Variants in MEOX2 observed in about 807,000 individuals in gnomAD.
MEOX2 encodes homeobox protein MOX-2.
Under a neutral mutation model 27.0 loss-of-function variants are expected in MEOX2, and 11 were observed. That is an observed-to-expected ratio of 0.41 (90% CI 0.26 to 0.68). The LOEUF (loss-of-function observed/expected upper bound fraction) is 0.68. MEOX2 is among the 30% of genes least tolerant of loss of function. The probability of loss-of-function intolerance (pLI) is 0.33; values close to 1 mark genes in which losing one functional copy is unlikely to be tolerated. For missense variants in MEOX2, 436 were observed against 385.4 expected (o/e 1.13, Z -1.10); for synonymous variants, 189 against 155.4 (o/e 1.22, Z -1.61).
chr7:15,613,133 G>A (rs1781059547), intron 2 of MEOX2, among the ~76,000 whole-genome samples: 1 of 152,082 alleles, frequency 6.6e-6, no homozygotes. Flanking sequence ...ACCTCACACT[G>A]AGCCTATCTT....
chr7:15,624,279 C>T (rs1449093886), intron 2 of MEOX2, among the ~76,000 whole-genome samples: 1 of 152,050 alleles, frequency 6.6e-6, no homozygotes, highest in Non-Finnish European at 1.5e-5. Flanking sequence ...CAAAACTGCA[C>T]GTAGAGATTT....
At chr7:15,684,780 G>A (rs1782350419) in intron 1 of MEOX2, among the ~76,000 whole-genome samples, 1 of 152,176 alleles carries the variant, frequency 6.6e-6, no homozygotes, top group South Asian at 2.1e-4. Flanking sequence ...CCTTCCAAAA[G>A]TATTTAATCC....
intron 1 of MEOX2, among the ~76,000 whole-genome samples, chr7:15,644,037 A>T (rs139316145): frequency 5.1e-4 from 77 of 152,302 alleles, no homozygotes; most frequent in Non-Finnish European, 8.4e-4. Flanking sequence ...TATGTGTTTA[A>T]GATGCATCTT....
intron 1 of MEOX2, among the ~76,000 whole-genome samples, chr7:15,656,948 A>AT (rs1781830805): frequency 6.6e-6 from 1 of 151,778 alleles, no homozygotes; most frequent in Non-Finnish European, 1.5e-5. Context: ...TCCTGAGAAT[A>AT]TTTTTTCTGA....
chr7:15,636,892 C>T (rs1781487429), intron 1 of MEOX2, among the ~76,000 whole-genome samples: 1 of 151,928 alleles, frequency 6.6e-6, no homozygotes, highest in Non-Finnish European at 1.5e-5. Context: ...CATATAAGCC[C>T]TTTTCATAGT....
At chr7:15,625,865 CA>C (rs1781294701) in intron 2 of MEOX2, among the ~76,000 whole-genome samples, 3 of 152,180 alleles carry the variant, frequency 2.0e-5, no homozygotes, top group Non-Finnish European at 2.9e-5. Flanking sequence ...ACCTAAAAAG[CA>C]ATTAATTTAA....
chr7:15,620,227 T>C (rs943290912), intron 2 of MEOX2, among the ~76,000 whole-genome samples: 1 of 152,184 alleles, frequency 6.6e-6, no homozygotes, highest in Non-Finnish European at 1.5e-5. Context: ...ATCTTACTGT[T>C]TCTCTAGATG....
chr7:15,667,289 C>CAAAAAAAAAAAAAAAAA lies in MEOX2; in HGVS notation c.517+18580_517+18596dup, dbSNP rs532691969. Among the ~76,000 whole-genome samples the CAAAAAAAAAAAAAAAAA allele has an allele frequency of 4.5e-3, 184 of 40,944 alleles. 26 individuals carry two copies. Among genetic ancestry groups the CAAAAAAAAAAAAAAAAA allele is most frequent in the Middle Eastern group, 0.025 (1 of 40 alleles). The allele number at this position is 40,944 out of a possible 152,430, so 26.9% of individuals were successfully genotyped here. ...CTGGCAACAGAGTGAGACTCTGTCTCAAAAAAAAAAAAAAAAAAAAAAAGT... is the reference window on the plus strand; with the variant it reads ...CTGGCAACAGAGTGAGACTCTGTCTCAAAAAAAAAAAAAAAAAAAAAAAAAAAAAAAAAAAAAAAAGT... On this transcript the variant is annotated intron_variant, in intron 1 of 2. Transcript: ENST00000262041.
At position 15,626,893 on chromosome 7, in the gene MEOX2, T is replaced by C. The variant is rs772551159; in HGVS notation, c.543A>G (p.Ser181=). ...SSDSQEGNYK[S]EVNSKPRKER... The stretch of plus-strand genomic sequence containing the variant: ...CTTTCCTGGGTTTGCTGTTGACTTC[T>C]GACTTGTAATTTCCTTCCTGGGAGT... Residue 181 remains serine, a synonymous_variant, in exon 2 of 3, where the codon TCA becomes TCG. Transcript: ENST00000262041. 1.2e-6 allele frequency: 2 copies of C among 1,612,404 alleles called. No homozygotes were observed.
intron 2 of MEOX2, among the ~76,000 whole-genome samples, chr7:15,614,490 G>A (rs1781090339): frequency 1.3e-5 from 2 of 151,984 alleles, no homozygotes; most frequent in Non-Finnish European, 2.9e-5. Context: ...ATAGTCTGAA[G>A]AATAGGCTTA....
intron 2 of MEOX2, among the ~76,000 whole-genome samples, chr7:15,625,054 C>A (rs1407625992): frequency 6.6e-6 from 1 of 152,118 alleles, no homozygotes; most frequent in East Asian, 1.9e-4. Flanking sequence ...AGTACAGAAT[C>A]TTGTTTTTCC....
In MEOX2 at chr7:15,680,811, T is replaced by C. The variant is rs915278059; in HGVS notation, c.517+5075A>G. 11 of 152,006 alleles carry C rather than the reference T, an allele frequency of 7.2e-5. 1 individual carries two copies. The South Asian group carries it at 1.4e-3, about 20-fold the overall frequency. The allele number at this position is 152,006 out of a possible 1,614,324, so 9.4% of individuals were successfully genotyped here. A position where few individuals can be genotyped will look rare whatever the true frequency, so the allele number is the denominator to read the frequency against. ...TAAATAGGAAATAAATCACATCTACTTCAATTTTTAATCTGTGGACTTTGG... is the reference window on the plus strand; with the variant it reads ...TAAATAGGAAATAAATCACATCTACCTCAATTTTTAATCTGTGGACTTTGG... On this transcript the variant is annotated intron_variant, in intron 1 of 2. Coordinates refer to ENST00000262041, the MANE Select transcript of MEOX2 (RefSeq NM_005924.5).
Position 15,661,012 on chromosome 7 carries a change from C to CAAAAA in MEOX2, c.517+24869_517+24873dup, listed in dbSNP as rs71004402. Among the ~76,000 whole-genome samples, 207 of 44,306 alleles carry CAAAAA rather than the reference C, an allele frequency of 4.7e-3. 19 individuals are homozygous for CAAAAA. Among genetic ancestry groups the CAAAAA allele is most frequent in the African/African-American group, 0.013 (160 of 11,984 alleles). The allele number at this position is 44,306 out of a possible 152,430, so 29.1% of individuals were successfully genotyped here. On this transcript the variant is annotated intron_variant, in intron 1 of 2. Transcript: ENST00000262041. ...TTGGCAACAGAGCGAGACTCAGTCT[C>CAAAAA]AAAAAAAAAAAAAAAAAAAAAAAAA...
chr7:15,626,687 G>T (rs1781313474), intron 2 of MEOX2, 59 bp downstream of exon 2: 3 of 1,255,854 alleles, frequency 2.4e-6, no homozygotes, highest in Admixed American at 3.7e-5. Context: ...ATATGGCAAA[G>T]AAGACTGTGG....
intron 1 of MEOX2, among the ~76,000 whole-genome samples, chr7:15,649,707 G>T (rs913841101): frequency 1.3e-5 from 2 of 152,056 alleles, no homozygotes; most frequent in African/African-American, 2.4e-5. Context: ...GACAAGCTGA[G>T]GGACGAAGTT....
At chr7:15,617,751 C>G (rs1325325025) in intron 2 of MEOX2, among the ~76,000 whole-genome samples, 5 of 152,064 alleles carry the variant, frequency 3.3e-5, no homozygotes, top group Non-Finnish European at 5.9e-5. Flanking sequence ...TCACCTTTAT[C>G]CACTGATTTA....
At chr7:15,678,712 T>C (rs898892971) in intron 1 of MEOX2, among the ~76,000 whole-genome samples, 2 of 152,206 alleles carry the variant, frequency 1.3e-5, no homozygotes, top group Admixed American at 6.5e-5. Context: ...AAATAAGTTT[T>C]CATTTGGGTG....
chr7:15,686,340 C>G lies in MEOX2; in HGVS notation c.63G>C (p.Pro21=). Residue 21 remains proline, a synonymous_variant, in exon 1 of 3, where the codon CCG becomes CCC. Coordinates refer to ENST00000262041, the MANE Select transcript of MEOX2 (RefSeq NM_005924.5). ...GGAGGGCGAGAGAGGATTGGGAGAA[C>G]GGGTGCAAGCCTTGCGCCGTGGCGT... is the stretch of plus-strand genomic sequence containing the variant. ...SPHATAQGLH[P]FSQSSLALHG... 6.2e-7 allele frequency: 1 copy of G among 1,600,100 alleles called. No individual in the cohort carries two copies. Among genetic ancestry groups the G allele is most frequent in the Non-Finnish European group, 8.5e-7 (1 of 1,172,818 alleles).
intron 1 of MEOX2, chr7:15,680,101 A>G (rs1471127053): frequency 6.6e-6 from 1 of 151,952 alleles, no homozygotes; most frequent in Non-Finnish European, 1.5e-5. Flanking sequence ...GAGGAAAATT[A>G]AAAACCCACT....
Sources: allele counts gnomAD v4.1 joint callset (sites outside exome capture counted in the v4.1 genomes callset), GRCh38; gene constraint gnomAD v4.1.1; transcripts MANE v1.5; gene names NCBI Gene and HGNC (gene_info 2026-07-23, HGNC 2026-07-21).